ATP11B: variants seen among roughly 807,000 people sequenced by gnomAD.
ATP11B encodes phospholipid-transporting ATPase IF.
In ATP11B, 81 loss-of-function variants were observed where a neutral mutation model predicts 157.8. The observed-to-expected ratio is 0.51, with a 90% CI of 0.43 to 0.62. The LOEUF (loss-of-function observed/expected upper bound fraction) is 0.62, where lower values mean the gene tolerates loss of function less well. ATP11B is among the 20% of genes least tolerant of loss of function. The pLI is 0.00. For synonymous variants in ATP11B, 451 were observed against 469.4 expected (o/e 0.96, Z 0.51); for missense variants, 1,165 against 1,402.2 (o/e 0.83, Z 2.70).
At chr3:182,840,872 C>T (rs1173797165) in intron 7 of ATP11B, among the ~76,000 whole-genome samples, 1 of 152,210 alleles carries the variant, frequency 6.6e-6, no homozygotes, top group African/African-American at 2.4e-5. Flanking sequence ...TCATAGTGTT[C>T]CTTTTTAAAT....
chr3:182,867,175 C>T (rs548824476), intron 14 of ATP11B, among the ~76,000 whole-genome samples: 15 of 149,860 alleles, frequency 1.0e-4, no homozygotes, highest in Non-Finnish European at 1.8e-4. Flanking sequence ...GTGATCAACC[C>T]GCTTTGGCCT....
intron 5 of ATP11B, 97 bp from the exon 6 acceptor site, chr3:182,836,245 T>C: frequency 6.4e-7 from 1 of 1,570,594 alleles, no homozygotes. Flanking sequence ...TTTCCTATGC[T>C]AAAATACTGT....
chr3:182,878,650 T>C (rs899726234), intron 19 of ATP11B, among the ~76,000 whole-genome samples: 1 of 152,202 alleles, frequency 6.6e-6, no homozygotes, highest in Admixed American at 6.5e-5. Context: ...AGCACCTACG[T>C]AGCATATGCC....
At chr3:182,915,719 T>G (rs1725095793) in intron 29 of ATP11B, 1 of 985,106 alleles carries the variant, frequency 1.0e-6, no homozygotes, top group Non-Finnish European at 1.2e-6. Flanking sequence ...GCCCCCATTA[T>G]TCTTTACATA....
At chr3:182,812,990 A>G (rs751549649) in intron 1 of ATP11B, among the ~76,000 whole-genome samples, 2 of 152,138 alleles carry the variant, frequency 1.3e-5, no homozygotes, top group Non-Finnish European at 2.9e-5. Flanking sequence ...TGACTGGCTT[A>G]TTTTACTTAG....
intron 9 of ATP11B, 61 bp from the exon 10 acceptor site, chr3:182,848,411 ATATT>A (rs1441384872): frequency 1.0e-5 from 10 of 966,562 alleles, no homozygotes; most frequent in Non-Finnish European, 1.5e-5. Flanking sequence ...GCTGGTAAAT[ATATT>A]TATTTCTTGT....
At chr3:182,871,276 C>A (rs1251159388) in intron 17 of ATP11B, among the ~76,000 whole-genome samples, 1 of 152,192 alleles carries the variant, frequency 6.6e-6, no homozygotes, top group Non-Finnish European at 1.5e-5. Context: ...CCAGCCTGAG[C>A]AACAGAGCAA....
intron 19 of ATP11B, among the ~76,000 whole-genome samples, chr3:182,874,378 A>T (rs532017229): frequency 6.6e-6 from 1 of 152,328 alleles, no homozygotes; most frequent in African/African-American, 2.4e-5. Flanking sequence ...AATCACAGTG[A>T]GATACATATA....
intron 9 of ATP11B, among the ~76,000 whole-genome samples, chr3:182,847,050 C>CTTTTTTTT (rs201462644): frequency 7.5e-6 from 1 of 132,718 alleles, no homozygotes; most frequent in African/African-American, 2.8e-5. Flanking sequence ...TACTTTAAAA[C>CTTTTTTTT]TTTTTTTTTT....
At position 182,884,877 on chromosome 3, in the gene ATP11B, T is replaced by C. The variant is rs1161423116; in HGVS notation, c.2634T>C (p.Leu878=). 6.8e-7 allele frequency: 1 copy of C among 1,463,042 alleles called. No homozygotes were observed. The highest frequency in any genetic ancestry group is 9.3e-7 in the Non-Finnish European group (1 of 1,075,456). 90.6% of individuals were successfully genotyped at this position (1,463,042 alleles called of 1,614,324 possible). Reference sequence around the variant, plus strand: ...TTTATTATATTAGAATAGCTACCCTTGTACAGTATTTTTTTTATAAGGTGA... The same window carrying C: ...TTTATTATATTAGAATAGCTACCCTCGTACAGTATTTTTTTTATAAGGTGA... The part of the protein sequence containing the change: ...GHFYYIRIAT[L]VQYFFYKNVC... Residue 878 remains leucine (L), a synonymous_variant, in exon 22 of 30, where the codon CTT becomes CTC. Coordinates refer to ENST00000323116, the MANE Select transcript of ATP11B (RefSeq NM_014616.3).
At chr3:182,880,311 T>C (rs1186552802) in intron 20 of ATP11B, among the ~76,000 whole-genome samples, 1 of 152,192 alleles carries the variant, frequency 6.6e-6, no homozygotes, top group African/African-American at 2.4e-5. Context: ...TCCTGGAATT[T>C]TGTTACAGTA....
chr3:182,807,870 C>G (rs1483448540), intron 1 of ATP11B, among the ~76,000 whole-genome samples: 3 of 151,992 alleles, frequency 2.0e-5, no homozygotes, highest in Admixed American at 6.6e-5. Flanking sequence ...TTTGGTATTT[C>G]CATAGTTCTA....
chr3:182,876,284 A>G (rs1722034230), intron 19 of ATP11B, among the ~76,000 whole-genome samples: 1 of 152,198 alleles, frequency 6.6e-6, no homozygotes, highest in African/African-American at 2.4e-5. Flanking sequence ...TGAAAATTGT[A>G]AAGCTTATGC....
intron 4 of ATP11B, 63 bp from the exon 5 acceptor site, chr3:182,835,972 A>G (rs770122406): frequency 1.4e-5 from 19 of 1,390,774 alleles, no homozygotes; most frequent in Non-Finnish European, 1.6e-5. Flanking sequence ...TTTTTTTCTT[A>G]TTTGATAAAA....
chr3:182,800,617 G>C (rs1156823250), intron 1 of ATP11B, among the ~76,000 whole-genome samples: 2 of 152,066 alleles, frequency 1.3e-5, no homozygotes, highest in African/African-American at 4.8e-5. Flanking sequence ...TTGAATTTCT[G>C]TTACTTCTCA....
intron 10 of ATP11B, among the ~76,000 whole-genome samples, chr3:182,850,153 T>C (rs557549440): frequency 1.3e-5 from 2 of 152,256 alleles, no homozygotes; most frequent in East Asian, 3.9e-4. Flanking sequence ...AGAATGAAAC[T>C]GGATCCCTAT....
intron 21 of ATP11B, 46 bp downstream of exon 21, chr3:182,881,027 G>A: frequency 7.1e-7 from 1 of 1,403,092 alleles, no homozygotes; most frequent in Non-Finnish European, 9.8e-7. Context: ...TTTAAAGTTG[G>A]TGGTATTATT....
chr3:182,814,284 C>T (rs1186746080), intron 1 of ATP11B, among the ~76,000 whole-genome samples: 2 of 151,642 alleles, frequency 1.3e-5, no homozygotes, highest in African/African-American at 4.8e-5. Flanking sequence ...AGGCTGGTCT[C>T]GAACTCCTGA....
chr3:182,813,724 T>C (rs1716806237), intron 1 of ATP11B, among the ~76,000 whole-genome samples: 2 of 152,164 alleles, frequency 1.3e-5, no homozygotes, highest in South Asian at 4.1e-4. Flanking sequence ...TGTTTTTTAT[T>C]ATTTTTATTT....
Sources: allele counts gnomAD v4.1 joint callset (sites outside exome capture counted in the v4.1 genomes callset), GRCh38; gene constraint gnomAD v4.1.1; transcripts MANE v1.5; gene names NCBI Gene and HGNC (gene_info 2026-07-23, HGNC 2026-07-21).